The following HSPA12A variants were observed in gnomAD, a reference collection of about 807,000 sequenced individuals.
The protein encoded by HSPA12A is heat shock protein family A (Hsp70) member 12A.
Under a neutral mutation model 69.2 loss-of-function variants are expected in HSPA12A, and 28 were observed. That is an observed-to-expected ratio of 0.40 (90% confidence interval 0.30 to 0.55). The LOEUF (loss-of-function observed/expected upper bound fraction) is 0.55. Ranked by LOEUF, HSPA12A falls within the 20% of genes least tolerant of loss-of-function variation. The pLI is 0.38. For missense variants in HSPA12A, 686 were observed against 900.7 expected (o/e 0.76, Z 3.05); for synonymous variants, 345 against 370.5 (o/e 0.93, Z 0.79).
intron 2 of HSPA12A, among the ~76,000 whole-genome samples, chr10:116,748,822 C>T (rs1220799725): frequency 2.6e-5 from 4 of 152,310 alleles, no homozygotes; most frequent in African/African-American, 9.6e-5. Context: ...CACTAGGTCC[C>T]TCCCAAGACA....
At chr10:116,829,065 T>C (rs1378560152) in intron 2 of HSPA12A, 1 of 152,198 alleles carries the variant, frequency 6.6e-6, no homozygotes, top group Non-Finnish European at 1.5e-5. Flanking sequence ...ATTTTGGCTG[T>C]GTCCCCACCC....
chr10:116,745,387 A>G (rs1040856328), upstream of HSPA12A, among the ~76,000 whole-genome samples: 4 of 152,046 alleles, frequency 2.6e-5, no homozygotes, highest in Non-Finnish European at 5.9e-5. Context: ...CTCTGTACCA[A>G]GTTCCCTCAA....
At chr10:116,805,362 T>G (rs1466246741) in intron 2 of HSPA12A, among the ~76,000 whole-genome samples, 2 of 152,170 alleles carry the variant, frequency 1.3e-5, no homozygotes, top group Admixed American at 1.3e-4. Context: ...CTATTCCATT[T>G]TAAAGCTGGA....
At chr10:116,780,609 T>A (rs895099123) in intron 2 of HSPA12A, among the ~76,000 whole-genome samples, 2 of 152,180 alleles carry the variant, frequency 1.3e-5, no homozygotes, top group Non-Finnish European at 2.9e-5. Context: ...AATAATGTTT[T>A]TAAATGCATA....
At chr10:116,701,277 G>T in intron 3 of HSPA12A, 148 bp from the exon 4 acceptor site, 1 of 693,276 alleles carries the variant, frequency 1.4e-6, no homozygotes, top group Non-Finnish European at 2.4e-6. Flanking sequence ...AGCTACTAGA[G>T]ACACAACTTC....
At chr10:116,843,660 G>A (rs1845837135) in intron 1 of HSPA12A, among the ~76,000 whole-genome samples, 1 of 152,154 alleles carries the variant, frequency 6.6e-6, no homozygotes, top group Non-Finnish European at 1.5e-5. Flanking sequence ...CCATTCCTGG[G>A]GGAAGGCTTC....
chr10:116,700,626 A>G (rs2240708), intron 4 of HSPA12A, among the ~76,000 whole-genome samples: 79,320 of 151,962 alleles, frequency 0.52, 21,012 homozygotes, highest in Middle Eastern at 0.66. Context: ...CTCCTGGCAC[A>G]GCAGGAGGGC....
chr10:116,757,102 A>T (rs782777659), intron 2 of HSPA12A, among the ~76,000 whole-genome samples: 3 of 152,220 alleles, frequency 2.0e-5, no homozygotes, highest in Non-Finnish European at 4.4e-5. Context: ...TCAGCAAAAA[A>T]GCTTGAGACC....
chr10:116,835,158 G>T, intron 1 of HSPA12A: 1 of 396,106 alleles, frequency 2.5e-6, no homozygotes, highest in Admixed American at 4.8e-5. Flanking sequence ...ATTTAGGTGG[G>T]CGCAGAGGAG....
At chr10:116,826,320 G>GGA (rs1226834806) in intron 2 of HSPA12A, among the ~76,000 whole-genome samples, 28 of 152,274 alleles carry the variant, frequency 1.8e-4, no homozygotes, top group African/African-American at 6.7e-4. Context: ...CTCCTTCAAG[G>GGA]GAGCCATTGG....
chr10:116,801,615 A>G lies in HSPA12A; in HGVS notation c.91+33320T>C, dbSNP rs138164103. ...AATAGCTCAGAAGGACCCAACAACC[A>G]CAAAAATAAATTGCACAGAGAAAGA... is the stretch of plus-strand genomic sequence containing the variant. On this transcript the variant is annotated intron_variant, in intron 2 of 12. Transcript: ENST00000635765. Among the ~76,000 whole-genome samples, 45 of 152,300 alleles carry G rather than the reference A, an allele frequency of 3.0e-4. No individual in the cohort carries two copies. The East Asian group carries it at 8.5e-3, about 29-fold the overall frequency.
intron 2 of HSPA12A, among the ~76,000 whole-genome samples, chr10:116,752,716 G>A (rs550918537): frequency 9.9e-5 from 15 of 152,264 alleles, no homozygotes; most frequent in Admixed American, 9.2e-4. Context: ...CTCCATCCCC[G>A]CCTAGCTGTG....
At chr10:116,799,946 T>C (rs555622225) in intron 2 of HSPA12A, among the ~76,000 whole-genome samples, 123 of 152,230 alleles carry the variant, frequency 8.1e-4, no homozygotes, top group Non-Finnish European at 1.3e-3. Flanking sequence ...TTCTAGCAGG[T>C]GAATGAAAAA....
upstream of HSPA12A, chr10:116,849,845 G>C: frequency 1.7e-6 from 2 of 1,197,278 alleles, no homozygotes; most frequent in Non-Finnish European, 2.3e-6. Context: ...CCAGCCGCCC[G>C]GGCCCTGGGC....
chr10:116,824,407 T>C lies in HSPA12A; in HGVS notation c.91+10528A>G, dbSNP rs1241020215. 2.6e-5 allele frequency among the ~76,000 whole-genome samples: 4 copies of C among 152,176 alleles called. No individual in the cohort carries two copies. In the East Asian group the frequency reaches 7.7e-4, roughly 29 times the overall value. ...CCCTAGCAATTCCATTCCTAAGATA[T>C]ACCCAAGAGAAGCGAAAAAATACAT... is the stretch of plus-strand genomic sequence containing the variant. On this transcript the variant is annotated intron_variant, in intron 2 of 12. Transcript: ENST00000635765.
At chr10:116,741,880 G>A (rs954596186) in intron 1 of HSPA12A, among the ~76,000 whole-genome samples, 11 of 152,180 alleles carry the variant, frequency 7.2e-5, no homozygotes, top group Non-Finnish European at 1.3e-4. Context: ...AAGCCCTTCG[G>A]CCGCAGCTGC....
intron 5 of HSPA12A, among the ~76,000 whole-genome samples, chr10:116,697,454 G>T (rs1301089605): frequency 2.1e-4 from 32 of 150,092 alleles, no homozygotes; most frequent in African/African-American, 7.8e-4. Flanking sequence ...GGGGATAGAG[G>T]AGGAGGGGGA....
intron 2 of HSPA12A, among the ~76,000 whole-genome samples, chr10:116,759,172 A>G (rs1278057554): frequency 6.6e-6 from 1 of 152,220 alleles, no homozygotes; most frequent in African/African-American, 2.4e-5. Context: ...TATCCAAGAA[A>G]GTTTCTGTAT....
At chr10:116,808,209 C>T (rs1458693123) in intron 2 of HSPA12A, among the ~76,000 whole-genome samples, 1 of 150,378 alleles carries the variant, frequency 6.6e-6, no homozygotes, top group Non-Finnish European at 1.5e-5. Context: ...GGGATGAATG[C>T]TGAGGCCCAT....
Sources: gnomAD v4.1 joint callset for allele counts (sites outside exome capture counted in the v4.1 genomes callset) on GRCh38, gnomAD v4.1.1 for gene constraint, MANE v1.5 for transcripts, NCBI Gene and HGNC (gene_info 2026-07-23, HGNC 2026-07-21) for gene names.